Variants in ATP2B2 observed in about 807,000 individuals in gnomAD.
ATP2B2 encodes the protein ATPase plasma membrane Ca2+ transporting 2.
Under a neutral mutation model 120.0 loss-of-function variants are expected in ATP2B2, and 15 were observed. That is an observed-to-expected ratio of 0.12 (90% confidence interval 0.08 to 0.19). The LOEUF is 0.19. ATP2B2 is among the 10% of genes least tolerant of loss of function. The pLI is 1.00. For synonymous variants in ATP2B2, 694 were observed against 700.3 expected (o/e 0.99, Z 0.14); for missense variants, 1,045 against 1,719.8 (o/e 0.61, Z 6.94).
At chr3:10,499,444 T>C (rs910614843) in intron 1 of ATP2B2, among the ~76,000 whole-genome samples, 20 of 152,124 alleles carry the variant, frequency 1.3e-4, no homozygotes, top group Admixed American at 1.1e-3. Flanking sequence ...AATAAGCAAT[T>C]CCCCTCCCAC....
Position 10,635,224 on chromosome 3 carries a change from T to C in ATP2B2, c.-459-15263A>G, listed in dbSNP as rs1001753294. Among the ~76,000 whole-genome samples, 3 of 152,108 alleles carry C rather than the reference T, an allele frequency of 2.0e-5. No individual in the cohort carries two copies. The highest frequency in any genetic ancestry group is 1.5e-5 in the Non-Finnish European group (1 of 68,022). ...TGGAAATCCAGGTACTTCCATGGCA[T>C]CTCTCAATTTGGGGATGTTGGCAAC... On this transcript the variant is annotated intron_variant, in intron 1 of 21. Coordinates refer to the ATP2B2 transcript ENST00000646379. The surrounding 1 kb of genome is among the most constrained non-coding windows in gnomAD (Gnocchi z 4.3).
chr3:10,519,303 A>G (rs1014213681), intron 3 of ATP2B2, among the ~76,000 whole-genome samples: 1 of 152,006 alleles, frequency 6.6e-6, no homozygotes. Flanking sequence ...TAAGCACATC[A>G]CTCACCGTCT....
intron 1 of ATP2B2, among the ~76,000 whole-genome samples, chr3:10,639,723 G>A (rs2070119732): frequency 6.6e-6 from 1 of 152,258 alleles, no homozygotes; most frequent in Non-Finnish European, 1.5e-5. Context: ...AGGAGAAAGA[G>A]TGTCAGTGGA....
intron 2 of ATP2B2, among the ~76,000 whole-genome samples, chr3:10,413,383 C>G (rs1301230823): frequency 6.6e-6 from 1 of 152,248 alleles, no homozygotes; most frequent in African/African-American, 2.4e-5. Context: ...TAGGAGACCT[C>G]ACGCCAGCCT....
chr3:10,378,277 C>T lies in ATP2B2; in HGVS notation c.1176G>A (p.Lys392=). Residue 392 remains lysine, a synonymous_variant, in exon 10 of 23, where the codon AAG becomes AAA. Coordinates refer to ENST00000360273, the MANE Select transcript of ATP2B2 (RefSeq NM_001001331.4). The part of the protein sequence containing the change: ...EKSVLQGKLT[K]LAVQIGKAGL... ...CCGCCTTCCCGATCTGCACAGCCAG[C>T]TTGGTGAGCTTGCCCTGCAGCACGG... 1 of 1,608,890 alleles carries T rather than the reference C, an allele frequency of 6.2e-7. No individual in the cohort carries two copies. Among genetic ancestry groups the T allele is most frequent in the Non-Finnish European group, 8.5e-7 (1 of 1,180,014 alleles).
At chr3:10,336,633 G>C (rs1559525289) in intron 22 of ATP2B2, among the ~76,000 whole-genome samples, 1 of 152,162 alleles carries the variant, frequency 6.6e-6, no homozygotes, top group Non-Finnish European at 1.5e-5. Flanking sequence ...CCTCCCTCAG[G>C]TACAGGCGTG....
intron 1 of ATP2B2, among the ~76,000 whole-genome samples, chr3:10,660,820 C>A (rs1449512227): frequency 3.3e-5 from 5 of 152,238 alleles, no homozygotes; most frequent in African/African-American, 1.2e-4. Context: ...ACCAATATCC[C>A]TGATGAACAT....
chr3:10,688,357 G>A (rs1341462329), intron 1 of ATP2B2, among the ~76,000 whole-genome samples: 1 of 152,162 alleles, frequency 6.6e-6, no homozygotes, highest in African/African-American at 2.4e-5. Context: ...AATTTCAAGG[G>A]GAGACACTGG....
intron 1 of ATP2B2, among the ~76,000 whole-genome samples, chr3:10,694,237 T>C (rs1415606324): frequency 6.6e-6 from 1 of 152,174 alleles, no homozygotes; most frequent in Admixed American, 6.5e-5. Context: ...CACATTACCT[T>C]TGCATAACCA....
chr3:10,343,035 T>G lies in ATP2B2; in HGVS notation c.2704-70A>C. 6.6e-7 allele frequency: 1 copy of G among 1,518,688 alleles called. No homozygotes were observed. The allele number at this position is 1,518,688 out of a possible 1,614,324, so 94.1% of individuals were successfully genotyped here. A position where few individuals can be genotyped will look rare whatever the true frequency, so the allele number is the denominator to read the frequency against. On this transcript the variant is annotated intron_variant, in intron 18 of 22. Transcript: ENST00000360273. This position sits in a 1 kb window ranked among gnomAD's most constrained non-coding sequence, Gnocchi z 4.2. ...TGCTGTGAAGTGCTGGGCGGGCTCATGGTGTAGTGTCCGCAGGCTCCTGCT... is the reference window on the plus strand; with the variant it reads ...TGCTGTGAAGTGCTGGGCGGGCTCAGGGTGTAGTGTCCGCAGGCTCCTGCT...
intron 1 of ATP2B2, among the ~76,000 whole-genome samples, chr3:10,675,865 T>A (rs1283892315): frequency 6.6e-6 from 1 of 152,104 alleles, no homozygotes; most frequent in Non-Finnish European, 1.5e-5. Flanking sequence ...TTCTTCACAA[T>A]CTCCTATTCA....
upstream of ATP2B2, among the ~76,000 whole-genome samples, chr3:10,509,208 G>A (rs1335735130): frequency 6.6e-6 from 1 of 152,178 alleles, no homozygotes; most frequent in East Asian, 1.9e-4. Context: ...AGGACTGAAT[G>A]TAATTAGAGG....
rs535950990 is a variant in ATP2B2, at chr3:10,427,456, C to A, written c.200-16641G>T. Among the ~76,000 whole-genome samples the A allele has an allele frequency of 2.6e-5, 4 of 152,312 alleles. No homozygotes were observed. The South Asian group carries it at 8.3e-4, about 32-fold the overall frequency. The stretch of plus-strand genomic sequence containing the variant: ...TCACTGCCTTCTGACCCACAATATA[C>A]GCTGTTCTAATCACTCTGAAATGCT... On this transcript the variant is annotated intron_variant, in intron 2 of 22. Coordinates refer to ENST00000360273, the MANE Select transcript of ATP2B2 (RefSeq NM_001001331.4).
chr3:10,575,371 A>T (rs534392877), intron 2 of ATP2B2, among the ~76,000 whole-genome samples: 1 of 152,320 alleles, frequency 6.6e-6, no homozygotes, highest in East Asian at 1.9e-4. Flanking sequence ...AGACAAAATA[A>T]TAATTATAGA....
intron 1 of ATP2B2, chr3:10,626,522 A>G (rs2069703409): frequency 6.6e-6 from 1 of 152,140 alleles, no homozygotes; most frequent in East Asian, 1.9e-4. Context: ...GATGGCTAGA[A>G]AGAAAAGTGG....
At chr3:10,406,938 C>T (rs2062433221) in intron 3 of ATP2B2, among the ~76,000 whole-genome samples, 1 of 152,244 alleles carries the variant, frequency 6.6e-6, no homozygotes, top group Non-Finnish European at 1.5e-5. Flanking sequence ...AAGAGCAGGC[C>T]TCCCTCTCGG....
At position 10,556,991 on chromosome 3, in the gene ATP2B2, A is replaced by G. The variant is rs143079489; in HGVS notation, c.-414-22858T>C. On this transcript the variant is annotated intron_variant, in intron 2 of 21. Coordinates refer to the ATP2B2 transcript ENST00000646379. ...CTCAGACTAGGCTATATTTCAGTTC[A>G]TGCTTTTTTTCTTTCTCTCCAGACA... 1.3e-3 allele frequency among the ~76,000 whole-genome samples: 196 copies of G among 152,282 alleles called. 1 individual carries two copies. The highest frequency in any genetic ancestry group is 4.4e-3 in the African/African-American group (182 of 41,566).
At chr3:10,478,463 C>G (rs868158027) in intron 1 of ATP2B2, among the ~76,000 whole-genome samples, 1 of 152,146 alleles carries the variant, frequency 6.6e-6, no homozygotes, top group Non-Finnish European at 1.5e-5. Flanking sequence ...TGTCATGAAG[C>G]TTTCCCCTAT....
At chr3:10,605,943 C>T (rs987641738) in intron 2 of ATP2B2, among the ~76,000 whole-genome samples, 2 of 152,198 alleles carry the variant, frequency 1.3e-5, no homozygotes, top group South Asian at 4.2e-4. Context: ...GCCACCATGC[C>T]CAGCCCTCTA....
Sources: gnomAD v4.1 joint callset for allele counts (sites outside exome capture counted in the v4.1 genomes callset) on GRCh38, gnomAD v4.1.1 for gene constraint, Gnocchi (gnomAD v3.1) non-coding constraint, MANE v1.5 for transcripts, NCBI Gene and HGNC (gene_info 2026-07-23, HGNC 2026-07-21) for gene names.